Variants in FAM185A observed in about 807,000 individuals in gnomAD.
FAM185A encodes the protein family with sequence similarity 185 member A, also known as protein FAM185A.
A neutral mutation model predicts 45.7 loss-of-function variants in FAM185A; 21 were observed. The observed-to-expected ratio is 0.46, with a 90% CI of 0.33 to 0.66. The LOEUF (loss-of-function observed/expected upper bound fraction) is 0.66, where lower values mean the gene tolerates loss of function less well. Among genes scored for constraint, FAM185A ranks in the 30% least tolerant of loss-of-function variants. The pLI, the probability that FAM185A is intolerant of heterozygous loss-of-function variation, is 0.03. For synonymous variants in FAM185A, 117 were observed against 194.0 expected, an observed-to-expected ratio of 0.60 and a Z score of 3.30; for missense variants, 305 against 485.4, an observed-to-expected ratio of 0.63 and a Z score of 3.49.
chr7:102,822,076 C>T, the FAM185A span: 74 of 1,614,156 alleles, frequency 4.6e-5, no homozygotes, highest in East Asian at 7.8e-4. Context: ...CTTAAGGATC[C>T]GGAGTTGTTT....
At chr7:102,834,395 T>A in the FAM185A span, among the ~76,000 whole-genome samples, 4,410 of 146,452 alleles carry the variant, frequency 0.03, 176 homozygotes, top group East Asian at 0.15. Context: ...TATATATATA[T>A]TATATGCGAT....
chr7:102,764,110 C>A (rs940719141), intron 4 of FAM185A, among the ~76,000 whole-genome samples: 1 of 151,880 alleles, frequency 6.6e-6, no homozygotes, highest in Non-Finnish European at 1.5e-5. Context: ...AAAATTTAAT[C>A]CAGTTTCAAA....
At chr7:102,813,177 A>AACT, downstream of FAM185A, 1 of 675,712 alleles carries the variant, frequency 1.5e-6, no homozygotes, top group Non-Finnish European at 2.4e-6. Flanking sequence ...TAGACAGAAG[A>AACT]ACTACTGATG....
At chr7:102,753,408 G>T (rs1444166526) in intron 2 of FAM185A, among the ~76,000 whole-genome samples, 1 of 151,370 alleles carries the variant, frequency 6.6e-6, no homozygotes, top group East Asian at 1.9e-4. Context: ...GCCATTGTAG[G>T]CATAAAATTA....
At chr7:102,780,343 C>T (rs1795328086) in intron 6 of FAM185A, among the ~76,000 whole-genome samples, 1 of 152,004 alleles carries the variant, frequency 6.6e-6, no homozygotes, top group Admixed American at 6.6e-5. Context: ...ATTTACACTG[C>T]AACCCACATA....
the FAM185A span, among the ~76,000 whole-genome samples, chr7:102,833,961 C>T: frequency 2.1e-5 from 3 of 145,650 alleles, no homozygotes; most frequent in African/African-American, 7.7e-5. Context: ...AAACAATCCA[C>T]AAAAGTAAAC....
chr7:102,774,656 A>G (rs1794946672), intron 5 of FAM185A, among the ~76,000 whole-genome samples: 2 of 152,194 alleles, frequency 1.3e-5, no homozygotes, highest in South Asian at 4.1e-4. Flanking sequence ...TTCGTGAATG[A>G]GTGTTGAATT....
chr7:102,762,160 G>A (rs554009970), intron 4 of FAM185A, among the ~76,000 whole-genome samples: 20 of 152,270 alleles, frequency 1.3e-4, no homozygotes, highest in Non-Finnish European at 2.1e-4. Context: ...AATGTTTTGC[G>A]TGTATTTGTA....
At chr7:102,799,100 A>C (rs7782908) in intron 7 of FAM185A, among the ~76,000 whole-genome samples, 68,691 of 152,004 alleles carry the variant, frequency 0.45, 17,255 homozygotes, top group African/African-American at 0.68. Context: ...AGAAAAGCAA[A>C]TGGGTGCAAG....
chr7:102,786,917 T>C (rs1029200337), intron 6 of FAM185A, among the ~76,000 whole-genome samples: 1 of 152,062 alleles, frequency 6.6e-6, no homozygotes, highest in Non-Finnish European at 1.5e-5. Context: ...AGTTCTTATC[T>C]ATAAAATCAG....
chr7:102,807,626 AAC>A (rs1368960173), intron 7 of FAM185A, among the ~76,000 whole-genome samples: 1 of 152,134 alleles, frequency 6.6e-6, no homozygotes, highest in African/African-American at 2.4e-5. Flanking sequence ...ACAAATAAAA[AAC>A]AGAGGTCAGG....
At chr7:102,766,484 C>CACAA (rs1291563449) in intron 4 of FAM185A, among the ~76,000 whole-genome samples, 2 of 152,188 alleles carry the variant, frequency 1.3e-5, no homozygotes, top group Admixed American at 6.5e-5. Flanking sequence ...GTACAAAACA[C>CACAA]AGGTGATAAC....
intron 4 of FAM185A, among the ~76,000 whole-genome samples, chr7:102,765,519 T>A (rs1794336024): frequency 6.6e-6 from 1 of 151,750 alleles, no homozygotes. Flanking sequence ...ACATCTAACA[T>A]ACTAGTGCCG....
At chr7:102,755,159 AG>A (rs1397685651) in intron 2 of FAM185A, 4 of 375,426 alleles carry the variant, frequency 1.1e-5, no homozygotes, top group Non-Finnish European at 1.9e-5. Context: ...CCGAAAGGAA[AG>A]GAGGCCAAGG....
intron 7 of FAM185A, among the ~76,000 whole-genome samples, chr7:102,801,406 T>C (rs1796782282): frequency 6.6e-6 from 1 of 151,880 alleles, no homozygotes; most frequent in Non-Finnish European, 1.5e-5. Context: ...TAACATCGAA[T>C]GTAAATGGCC....
intron 7 of FAM185A, among the ~76,000 whole-genome samples, chr7:102,795,404 C>T (rs1796387081): frequency 6.6e-6 from 1 of 152,052 alleles, no homozygotes; most frequent in Non-Finnish European, 1.5e-5. Flanking sequence ...ATAATGAAGT[C>T]TTCTGGGCAG....
At chr7:102,749,919 G>A (rs530921366) in intron 1 of FAM185A, among the ~76,000 whole-genome samples, 3 of 152,312 alleles carry the variant, frequency 2.0e-5, no homozygotes, top group African/African-American at 7.2e-5. Flanking sequence ...TATTTCTGGA[G>A]CCGCTTGTGT....
At chr7:102,832,479 G>A in the FAM185A span, among the ~76,000 whole-genome samples, 1 of 152,194 alleles carries the variant, frequency 6.6e-6, no homozygotes, top group African/African-American at 2.4e-5. Flanking sequence ...AACACTTTTA[G>A]ATCTAACCTA....
rs1398904493 is a variant in FAM185A at position 102,749,062 on chromosome 7, A to G, written c.-146A>G. 1 of 1,292,512 alleles carries G rather than the reference A, an allele frequency of 7.7e-7. No homozygotes were observed. The highest frequency in any genetic ancestry group is 1.5e-5 in the African/African-American group (1 of 68,214). 80.1% of individuals were successfully genotyped at this position (1,292,512 alleles called of 1,614,324 possible). A position where few individuals can be genotyped will look rare whatever the true frequency, so the allele number is the denominator to read the frequency against. ...GGCTGATGTTTAGAACGCCTAGTCA[A>G]GCCAACCGGCTCGCTCTTGTTTCAG... On this transcript the variant is annotated 5_prime_UTR_variant, in exon 1 of 8. Transcript: ENST00000413034.
Sources: allele counts gnomAD v4.1 joint callset (sites outside exome capture counted in the v4.1 genomes callset), GRCh38; gene constraint gnomAD v4.1.1; transcripts MANE v1.5; gene names NCBI Gene and HGNC (gene_info 2026-07-23, HGNC 2026-07-21).